Variants in SMOC2 observed in about 807,000 individuals in gnomAD.
SMOC2 encodes the protein SPARC related modular calcium binding 2, also known as SPARC-related modular calcium-binding protein 2.
In SMOC2, 39 loss-of-function variants were observed where a neutral mutation model predicts 61.4. The observed-to-expected ratio is 0.64, with a 90% CI of 0.49 to 0.83. SMOC2 has a LOEUF of 0.83. Ranked by LOEUF, SMOC2 falls within the 40% of genes least tolerant of loss-of-function variation. SMOC2 has a pLI of 0.00. For missense variants in SMOC2, 556 were observed against 592.9 expected, an observed-to-expected ratio of 0.94 and a Z score of 0.65; for synonymous variants, 247 against 239.9, an observed-to-expected ratio of 1.03 and a Z score of -0.27.
chr6:168,592,369 G>T lies in SMOC2; in HGVS notation c.638-6449G>T, dbSNP rs1335765967. Among the ~76,000 whole-genome samples the T allele has an allele frequency of 2.2e-4, 24 of 108,678 alleles. 1 individual carries two copies. The highest frequency in any genetic ancestry group is 3.1e-4 in the South Asian group (1 of 3,200). 71.3% of individuals were successfully genotyped at this position (108,678 alleles called of 152,430 possible). On this transcript the variant is annotated intron_variant, in intron 7 of 12. Coordinates refer to ENST00000356284, the MANE Select transcript of SMOC2 (RefSeq NM_001166412.2). Reference sequence around the variant, plus strand: ...CTCCTCCTCCTTCCTGAGGCCTCACGGGCATCTTTCTAGAGGATCTCCGAG... The same window carrying T: ...CTCCTCCTCCTTCCTGAGGCCTCACTGGCATCTTTCTAGAGGATCTCCGAG...
intron 9 of SMOC2, among the ~76,000 whole-genome samples, chr6:168,637,773 G>A (rs1786778159): frequency 2.6e-5 from 4 of 152,214 alleles, no homozygotes; most frequent in African/African-American, 9.7e-5. Context: ...CTGAGACCTT[G>A]AGAGGAGAGA....
At position 168,441,431 on chromosome 6, in the gene SMOC2, G is replaced by T. The variant is rs1215571987; in HGVS notation, c.61G>T (p.Ala21Ser). The change falls in exon 1 of 13, where the codon GCT becomes TCT. Residue 21 changes from alanine to serine, a missense_variant. By Grantham distance (99) the Ala-to-Ser change is moderately conservative (BLOSUM62 1). Coordinates refer to ENST00000356284, the MANE Select transcript of SMOC2 (RefSeq NM_001166412.2). ...LLAGLLPPVP[A>S]QKFSALTFLR... ...CGCTGGGCTGCTCCCGCCGGTGCCC[G>T]CTCAGAAGTTCTCGGCGCTCACGGT... The T allele has an allele frequency of 1.3e-6, 2 of 1,509,912 alleles. No homozygotes were observed. The highest frequency in any genetic ancestry group is 1.8e-6 in the Non-Finnish European group (2 of 1,132,968). The allele number at this position is 1,509,912 out of a possible 1,614,324, so 93.5% of individuals were successfully genotyped here.
At chr6:168,585,583 A>G (rs1006065207) in intron 7 of SMOC2, among the ~76,000 whole-genome samples, 4 of 152,246 alleles carry the variant, frequency 2.6e-5, no homozygotes, top group African/African-American at 9.6e-5. Context: ...ACCTGAGAGT[A>G]GGTTTCCAGA....
In SMOC2 at chr6:168,647,761, T is replaced by A. The variant is rs191904301; in HGVS notation, c.908-2920T>A. On this transcript the variant is annotated intron_variant, in intron 9 of 12. Coordinates refer to ENST00000356284, the MANE Select transcript of SMOC2 (RefSeq NM_001166412.2). ...AGTTAGTTTTTTTCTTCTGATTGCT[T>A]GTAATCTTTCATTTTTGTTCGCCTT... Among the ~76,000 whole-genome samples the A allele has an allele frequency of 3.3e-3, 509 of 152,330 alleles. 2 individuals carry two copies. Among genetic ancestry groups the A allele is most frequent in the Non-Finnish European group, 6.0e-3 (410 of 68,032 alleles).
intron 4 of SMOC2, among the ~76,000 whole-genome samples, chr6:168,531,396 T>G (rs1212316279): frequency 6.6e-6 from 1 of 152,210 alleles, no homozygotes; most frequent in African/African-American, 2.4e-5. Context: ...CTGAAAGCGG[T>G]AACGCAGGCT....
At chr6:168,547,239 T>C in intron 6 of SMOC2, 70 bp downstream of exon 6, 1 of 1,381,444 alleles carries the variant, frequency 7.2e-7, no homozygotes, top group Non-Finnish European at 1.0e-6. Flanking sequence ...AGCTGGGAAG[T>C]GGAGCGAGTC....
chr6:168,577,141 G>A (rs1666786013), intron 7 of SMOC2, among the ~76,000 whole-genome samples: 1 of 152,154 alleles, frequency 6.6e-6, no homozygotes, highest in Admixed American at 6.5e-5. Context: ...TCTCATCTCT[G>A]TAAGACTCTG....
chr6:168,510,919 T>C (rs1306402850), intron 2 of SMOC2, among the ~76,000 whole-genome samples: 1 of 152,216 alleles, frequency 6.6e-6, no homozygotes, highest in Non-Finnish European at 1.5e-5. Context: ...CTACTGACAT[T>C]ATGAAGACAT....
chr6:168,469,542 C>T (rs1054320363), intron 1 of SMOC2, among the ~76,000 whole-genome samples: 4 of 152,182 alleles, frequency 2.6e-5, no homozygotes, highest in African/African-American at 9.7e-5. Flanking sequence ...TCTTTCTGTT[C>T]GTAAATGGTG....
At chr6:168,443,647 A>G (rs1048072913) in intron 1 of SMOC2, among the ~76,000 whole-genome samples, 13 of 152,196 alleles carry the variant, frequency 8.5e-5, no homozygotes, top group South Asian at 4.1e-4. Context: ...TCGCTGGGAG[A>G]TGTGAGATGT....
chr6:168,542,773 TAAGATA>T (rs1201665382), intron 4 of SMOC2, among the ~76,000 whole-genome samples: 1 of 152,100 alleles, frequency 6.6e-6, no homozygotes, highest in African/African-American at 2.4e-5. Context: ...TTCCCAAAAA[TAAGATA>T]AACATCCTCA....
At chr6:168,502,736 TTTTAATTTAATTTAATTTAA>T (rs59846215) in intron 1 of SMOC2, among the ~76,000 whole-genome samples, 89 of 149,364 alleles carry the variant, frequency 6.0e-4, no homozygotes, top group African/African-American at 1.9e-3. Context: ...TTTTATTTTA[TTTTAATTTAATTTAATTTAA>T]TTTAATTTAA....
intron 1 of SMOC2, among the ~76,000 whole-genome samples, chr6:168,499,561 A>C (rs1562557380): frequency 6.6e-6 from 1 of 152,250 alleles, no homozygotes; most frequent in Non-Finnish European, 1.5e-5. Flanking sequence ...AAGTCAGATC[A>C]GTTTTTCCCT....
At chr6:168,548,212 T>C (rs1490340966) in intron 6 of SMOC2, among the ~76,000 whole-genome samples, 1 of 152,210 alleles carries the variant, frequency 6.6e-6, no homozygotes, top group African/African-American at 2.4e-5. Flanking sequence ...CTGGACCTTC[T>C]GAATGCCCTT....
chr6:168,469,763 C>T (rs954996134), intron 1 of SMOC2, among the ~76,000 whole-genome samples: 3 of 152,182 alleles, frequency 2.0e-5, no homozygotes, highest in Non-Finnish European at 4.4e-5. Context: ...AGAGGTCCCA[C>T]GTGCAGCCTC....
Position 168,475,052 on chromosome 6 carries a change from G to A in SMOC2, c.84+33598G>A, listed in dbSNP as rs1350689669. ...AGAATGTAAGGTCGTTGTGGCTGTA[G>A]CTTCAGAATAGATCCCTTTATGGTA... On this transcript the variant is annotated intron_variant, in intron 1 of 12. Coordinates refer to ENST00000356284, the MANE Select transcript of SMOC2 (RefSeq NM_001166412.2). This position sits in a 1 kb window ranked among gnomAD's most constrained non-coding sequence, Gnocchi z 4.6. Among the ~76,000 whole-genome samples the A allele has an allele frequency of 1.3e-5, 2 of 152,104 alleles. No homozygotes were observed. The highest frequency in any genetic ancestry group is 2.4e-5 in the African/African-American group (1 of 41,422).
intron 2 of SMOC2, among the ~76,000 whole-genome samples, chr6:168,512,299 C>G (rs575564312): frequency 6.6e-6 from 1 of 152,298 alleles, no homozygotes; most frequent in Non-Finnish European, 1.5e-5. Context: ...GCATGCTTCC[C>G]TGAGCTCACC....
chr6:168,513,444 A>G (rs1783055413), intron 2 of SMOC2, among the ~76,000 whole-genome samples: 1 of 151,918 alleles, frequency 6.6e-6, no homozygotes. Context: ...GAGTCATTCA[A>G]TGGGAGACAC....
intron 11 of SMOC2, chr6:168,655,525 T>C (rs570283873): frequency 4.7e-6 from 2 of 425,442 alleles, no homozygotes; most frequent in East Asian, 7.2e-5. Context: ...CCACTGCACA[T>C]GCGTGCTAGA....
Sources: gnomAD v4.1 joint callset for allele counts (sites outside exome capture counted in the v4.1 genomes callset) on GRCh38, gnomAD v4.1.1 for gene constraint, Gnocchi (gnomAD v3.1) non-coding constraint, MANE v1.5 for transcripts, NCBI Gene and HGNC (gene_info 2026-07-23, HGNC 2026-07-21) for gene names.